Variants in CTBS observed in about 807,000 individuals in gnomAD.
CTBS encodes chitobiase.
CTBS carries 35 observed loss-of-function variants against 44.3 expected under a neutral mutation model. The ratio of observed to expected loss-of-function variants is 0.79; its 90% CI spans 0.60 to 1.05. The LOEUF (loss-of-function observed/expected upper bound fraction) is 1.05. Among genes scored for constraint, CTBS ranks in the 50% least tolerant of loss-of-function variants. CTBS has a pLI of 0.00. For synonymous variants in CTBS, 143 were observed against 168.0 expected, an observed-to-expected ratio of 0.85 and a Z score of 1.15; for missense variants, 458 against 475.3, an observed-to-expected ratio of 0.96 and a Z score of 0.34.
intron 1 of CTBS, among the ~76,000 whole-genome samples, chr1:84,571,773 G>A (rs963734544): frequency 2.6e-5 from 4 of 152,182 alleles, no homozygotes; most frequent in Non-Finnish European, 4.4e-5. Flanking sequence ...ATATAAAGGG[G>A]ACCTGCTAGC....
chr1:84,563,375 G>A lies in CTBS; in HGVS notation c.839C>T (p.Pro280Leu). The A allele has an allele frequency of 3.8e-6, 6 of 1,582,384 alleles. No individual in the cohort carries two copies. The South Asian group carries it at 4.6e-5, about 12-fold the overall frequency. Reference protein sequence around the residue: ...TIAKVPFRGAPCSDAAGRQVP... With the variant: ...TIAKVPFRGALCSDAAGRQVP... Reference sequence around the variant, plus strand: ...CTGACGTCCTGCAGCGTCACTACAAGGAGCCCCCCGGAAAGGGACTTTTGC... The same window carrying A: ...CTGACGTCCTGCAGCGTCACTACAAAGAGCCCCCCGGAAAGGGACTTTTGC... The change falls in exon 6 of 7, where the codon CCT becomes CTT. Residue 280 changes from proline to leucine, a missense_variant. Physicochemically the swap from Pro to Leu is moderately conservative, Grantham distance 98 (BLOSUM62 -3). Transcript: ENST00000370630.
rs917403265 is a variant in CTBS at position 84,552,072 on chromosome 1, A to G, written c.*2927T>C. On this transcript the variant is annotated 3_prime_UTR_variant, in exon 7 of 7. Transcript: ENST00000370630. ...TCAGCTTATAGGCTGGGGGGAAAAAATCCTGTATTTAACCATAGTGCCTGA... is the reference window on the plus strand; with the variant it reads ...TCAGCTTATAGGCTGGGGGGAAAAAGTCCTGTATTTAACCATAGTGCCTGA... The G allele has an allele frequency of 6.6e-6, 1 of 152,162 alleles. No individual in the cohort carries two copies. Among genetic ancestry groups the G allele is most frequent in the African/African-American group, 2.4e-5 (1 of 41,444 alleles). The allele number at this position is 152,162 out of a possible 1,614,324, so 9.4% of individuals were successfully genotyped here.
intron 6 of CTBS, among the ~76,000 whole-genome samples, chr1:84,560,100 AGAAAGAAAGAAAGAAAGAAAG>A (rs1558625639): frequency 1.2e-4 from 2 of 17,080 alleles, no homozygotes; most frequent in African/African-American, 1.2e-4. Flanking sequence ...AAAAAAAAAA[AGAAAGAAAGAAAGAAAGAAAG>A]AAAGAAAGAA....
At chr1:84,574,154 G>GC (rs1647396338) in intron 1 of CTBS, 85 bp downstream of exon 1, 1 of 1,543,270 alleles carries the variant, frequency 6.5e-7, no homozygotes, top group African/African-American at 1.4e-5. Context: ...GGCGCCCACG[G>GC]CACCTCTCCT....
At position 84,569,932 on chromosome 1, in the gene CTBS, T is replaced by C. The variant is rs1026002261; in HGVS notation, c.524A>G (p.Gln175Arg). The C allele has an allele frequency of 2.5e-6, 4 of 1,609,890 alleles. No individual in the cohort carries two copies. In the African/African-American group the frequency reaches 5.4e-5, roughly 22 times the overall value. The part of the protein sequence containing the change: ...DSFHREIEGS[Q>R]VTFDVAWSPK... ...TCCAAAAAATAAATGAGTTTTTACCTGTGATCCCTCAATTTCACGATGGAA... is the reference window on the plus strand; with the variant it reads ...TCCAAAAAATAAATGAGTTTTTACCCGTGATCCCTCAATTTCACGATGGAA... Residue 175 changes from glutamine (Q) to arginine (R), a missense_variant and splice_region_variant, in exon 3 of 7, where the codon CAG (glutamine) becomes CGG (arginine). Coordinates refer to ENST00000370630, the MANE Select transcript of CTBS (RefSeq NM_004388.3).
At chr1:84,571,512 TTC>T (rs1284794769) in intron 1 of CTBS, among the ~76,000 whole-genome samples, 3 of 152,252 alleles carry the variant, frequency 2.0e-5, no homozygotes, top group Non-Finnish European at 4.4e-5. Context: ...GATGTTGTGT[TTC>T]TCTGATATTT....
In CTBS at chr1:84,563,815, T is replaced by C. The variant is rs1303220849; in HGVS notation, c.715A>G (p.Lys239Glu). 6.2e-7 allele frequency: 1 copy of C among 1,607,336 alleles called. No individual in the cohort carries two copies. Among genetic ancestry groups the C allele is most frequent in the South Asian group, 1.1e-5 (1 of 90,024 alleles). ...QTLTGYNDYI[K>E]MSINPKKLVM... is the part of the protein sequence containing the mutation. Reference sequence around the variant, plus strand: ...AGTTTCTTAGGATTAATGCTCATCTTGATGTAGTCATTATATCCTAGTCAA... The same window carrying C: ...AGTTTCTTAGGATTAATGCTCATCTCGATGTAGTCATTATATCCTAGTCAA... Residue 239 changes from lysine to glutamate, a missense_variant, in exon 5 of 7, where the codon AAG (lysine) becomes GAG (glutamate). Transcript: ENST00000370630.
chr1:84,559,096 A>G (rs575261864), intron 6 of CTBS, among the ~76,000 whole-genome samples: 5 of 152,206 alleles, frequency 3.3e-5, no homozygotes, highest in Admixed American at 6.5e-5. Flanking sequence ...CAGACATTAA[A>G]TTTTTTGCAA....
chr1:84,565,864 G>A lies in CTBS; in HGVS notation c.674C>T (p.Ala225Val). 6.4e-7 allele frequency: 1 copy of A among 1,566,846 alleles called. No individual in the cohort carries two copies. The highest frequency in any genetic ancestry group is 1.7e-4 in the Middle Eastern group (1 of 5,950). The change falls in exon 4 of 7, where the codon GCT (alanine) becomes GTT (valine). Residue 225 changes from alanine to valine, a missense_variant. By Grantham distance (64) the Ala-to-Val change is moderately conservative. Coordinates refer to ENST00000370630, the MANE Select transcript of CTBS (RefSeq NM_004388.3). ...ACCAGTTAATGTCTGATTATAGGGA[G>A]CATTGGCTGCTGCAATACATTCTGA... ...IWSECIAAAN[A>V]PYNQTLTGYN...
chr1:84,563,432 A>T lies in CTBS; in HGVS notation c.796-14T>A. 1 of 1,473,652 alleles carries T rather than the reference A, an allele frequency of 6.8e-7. No homozygotes were observed. Among genetic ancestry groups the T allele is most frequent in the Non-Finnish European group, 9.0e-7 (1 of 1,113,198 alleles). 91.3% of individuals were successfully genotyped at this position (1,473,652 alleles called of 1,614,324 possible). ...ACAAACATGATCCTAGAAATGCAAA[A>T]GTGCTCATGTTATATATTATCAATT... On this transcript the variant is annotated splice_polypyrimidine_tract_variant and intron_variant, in intron 5 of 6. Transcript: ENST00000370630.
chr1:84,564,478 T>C (rs150854837), intron 4 of CTBS, among the ~76,000 whole-genome samples: 4 of 152,310 alleles, frequency 2.6e-5, no homozygotes, highest in Non-Finnish European at 4.4e-5. Flanking sequence ...TTATGTACTA[T>C]TAAATAACCA....
At chr1:84,555,521 T>C (rs954602286) in intron 6 of CTBS, among the ~76,000 whole-genome samples, 1 of 152,214 alleles carries the variant, frequency 6.6e-6, no homozygotes, top group Admixed American at 6.5e-5. Flanking sequence ...TAGGACACAA[T>C]ACAATCATAA....
At chr1:84,565,498 T>C (rs1232293163) in intron 4 of CTBS, among the ~76,000 whole-genome samples, 1 of 152,196 alleles carries the variant, frequency 6.6e-6, no homozygotes, top group Non-Finnish European at 1.5e-5. Flanking sequence ...TAGATAAGCA[T>C]GTGATTTCAT....
At chr1:84,568,768 C>T (rs1647206897) in intron 3 of CTBS, among the ~76,000 whole-genome samples, 1 of 152,124 alleles carries the variant, frequency 6.6e-6, no homozygotes, top group Non-Finnish European at 1.5e-5. Flanking sequence ...CTCACAAGAT[C>T]TGATTGTTTA....
At chr1:84,557,683 G>A (rs368646520) in intron 6 of CTBS, among the ~76,000 whole-genome samples, 16 of 151,338 alleles carry the variant, frequency 1.1e-4, no homozygotes, top group South Asian at 4.2e-4. Flanking sequence ...GTGAAACCCC[G>A]TCTCTATTAA....
intron 6 of CTBS, among the ~76,000 whole-genome samples, chr1:84,556,542 C>T (rs912410421): frequency 5.9e-5 from 7 of 117,962 alleles, no homozygotes; most frequent in African/African-American, 3.0e-4. Flanking sequence ...GAAACCCCAT[C>T]TTTACTAAAA....
rs1010500749 is a variant in CTBS at position 84,568,694 on chromosome 1, G to A, written c.525+1237C>T. 2.0e-5 allele frequency among the ~76,000 whole-genome samples: 3 copies of A among 152,080 alleles called. No individual in the cohort carries two copies. In the East Asian group the frequency reaches 5.8e-4, roughly 29 times the overall value. ...ATCCCCAATGTTGGAGGTAGGGCCT[G>A]GTAGGAGGTAACTGGATTACAGGGG... On this transcript the variant is annotated intron_variant, in intron 3 of 6. Coordinates refer to ENST00000370630, the MANE Select transcript of CTBS (RefSeq NM_004388.3).
In CTBS at chr1:84,554,499, T is replaced by C. The variant is rs899181767; in HGVS notation, c.*500A>G. ...GAGTCAGGAAGCAGAAAAATTATTT[T>C]CATCAGTTTGATGAACCTAAAGGGG... On this transcript the variant is annotated 3_prime_UTR_variant, in exon 7 of 7. Transcript: ENST00000370630. The C allele has an allele frequency of 6.5e-5, 10 of 153,784 alleles. No homozygotes were observed. Among genetic ancestry groups the C allele is most frequent in the African/African-American group, 2.4e-4 (10 of 41,452 alleles). The allele number at this position is 153,784 out of a possible 1,614,324, so 9.5% of individuals were successfully genotyped here.
rs1684302240 is a variant in CTBS, at chr1:84,552,424, G to A, written c.*2575C>T. 6.6e-6 allele frequency: 1 copy of A among 152,074 alleles called. No individual in the cohort carries two copies. Among genetic ancestry groups the A allele is most frequent in the Non-Finnish European group, 1.5e-5 (1 of 68,022 alleles). 9.4% of individuals were successfully genotyped at this position (152,074 alleles called of 1,614,324 possible). On this transcript the variant is annotated 3_prime_UTR_variant, in exon 7 of 7. Coordinates refer to ENST00000370630, the MANE Select transcript of CTBS (RefSeq NM_004388.3). ...ATAGTAAGGGCTCTGGTACCAGGTG[G>A]TTTGAATTTGAATCCTGGCTGTACC...
Sources: allele counts gnomAD v4.1 joint callset (sites outside exome capture counted in the v4.1 genomes callset), GRCh38; gene constraint gnomAD v4.1.1; transcripts MANE v1.5; gene names NCBI Gene and HGNC (gene_info 2026-07-23, HGNC 2026-07-21).